Variants in SMYD3 observed in about 807,000 individuals in gnomAD.
SMYD3 encodes the protein SET and MYND domain containing 3.
In SMYD3, 36 loss-of-function variants were observed where a neutral mutation model predicts 57.7. The observed-to-expected ratio is 0.62, with a 90% CI of 0.48 to 0.82. The LOEUF is 0.82. SMYD3 is among the 40% of genes least tolerant of loss of function. The pLI is 0.00. For synonymous variants in SMYD3, 211 were observed against 195.0 expected (o/e 1.08, Z -0.68); for missense variants, 515 against 538.8 (o/e 0.96, Z 0.44).
intron 5 of SMYD3, among the ~76,000 whole-genome samples, chr1:245,955,351 T>G (rs1311559856): frequency 3.9e-5 from 6 of 152,146 alleles, no homozygotes; most frequent in Non-Finnish European, 8.8e-5. Context: ...GTGCTGGGAT[T>G]ACCGGCATGA....
intron 5 of SMYD3, among the ~76,000 whole-genome samples, chr1:246,032,275 C>T (rs1273886122): frequency 6.6e-6 from 1 of 152,138 alleles, no homozygotes; most frequent in Non-Finnish European, 1.5e-5. Flanking sequence ...GCTGCAATTC[C>T]CCACAGTGCA....
chr1:246,040,399 C>G (rs1048862948), intron 5 of SMYD3, among the ~76,000 whole-genome samples: 1 of 152,214 alleles, frequency 6.6e-6, no homozygotes, highest in Admixed American at 6.5e-5. Flanking sequence ...TTTTTTCTCA[C>G]GAAAATGTGA....
chr1:245,955,088 A>C (rs1240841987), intron 5 of SMYD3, among the ~76,000 whole-genome samples: 1 of 151,994 alleles, frequency 6.6e-6, no homozygotes, highest in African/African-American at 2.4e-5. Flanking sequence ...TTGTGGGCCC[A>C]TGTGGTGTTT....
At chr1:246,462,928 T>C (rs2067824831) in intron 1 of SMYD3, among the ~76,000 whole-genome samples, 1 of 152,032 alleles carries the variant, frequency 6.6e-6, no homozygotes, top group South Asian at 2.1e-4. Context: ...TAAGAGGCTG[T>C]GGCAGGGATG....
chr1:246,102,326 C>T (rs1471336264), intron 5 of SMYD3, among the ~76,000 whole-genome samples: 1 of 152,192 alleles, frequency 6.6e-6, no homozygotes, highest in African/African-American at 2.4e-5. Flanking sequence ...CTCACCTGAA[C>T]CACTGCACCG....
intron 5 of SMYD3, among the ~76,000 whole-genome samples, chr1:246,304,465 T>C (rs747503971): frequency 6.6e-6 from 1 of 152,166 alleles, no homozygotes; most frequent in Non-Finnish European, 1.5e-5. Flanking sequence ...CTCTGAACAT[T>C]AGTAAATGAC....
intron 5 of SMYD3, among the ~76,000 whole-genome samples, chr1:246,095,509 T>G (rs534396002): frequency 5.3e-5 from 8 of 152,210 alleles, no homozygotes; most frequent in African/African-American, 1.9e-4. Flanking sequence ...GTCTAAAGGA[T>G]TCAAAGAAGA....
intron 5 of SMYD3, among the ~76,000 whole-genome samples, chr1:246,051,650 T>C (rs1460479622): frequency 6.8e-6 from 1 of 147,600 alleles, no homozygotes; most frequent in Non-Finnish European, 1.5e-5. Context: ...TCTTCTGCAG[T>C]ACAAAAAAAA....
At chr1:246,261,054 G>T (rs796841919) in intron 5 of SMYD3, among the ~76,000 whole-genome samples, 3,534 of 137,912 alleles carry the variant, frequency 0.026, 222 homozygotes, top group East Asian at 0.22. Context: ...TGTTGTTGTT[G>T]TTGTTGTTGT....
intron 1 of SMYD3, among the ~76,000 whole-genome samples, chr1:246,459,410 C>T (rs112133872): frequency 1.6e-4 from 24 of 151,740 alleles, no homozygotes; most frequent in African/African-American, 5.6e-4. Flanking sequence ...AGAGTTCTCG[C>T]GAGATCTTGT....
chr1:246,435,566 A>C (rs547488379), intron 1 of SMYD3, among the ~76,000 whole-genome samples: 2 of 151,960 alleles, frequency 1.3e-5, no homozygotes, highest in Admixed American at 6.6e-5. Flanking sequence ...GTAATACTAG[A>C]TAAGGAACAG....
intron 8 of SMYD3, among the ~76,000 whole-genome samples, chr1:245,877,211 C>G (rs900304940): frequency 2.6e-5 from 4 of 152,212 alleles, no homozygotes; most frequent in African/African-American, 9.7e-5. Context: ...TGTTCAGAGG[C>G]TGCTTTTCCT....
At chr1:246,415,013 G>C (rs564551877) in intron 1 of SMYD3, among the ~76,000 whole-genome samples, 15 of 152,110 alleles carry the variant, frequency 9.9e-5, no homozygotes, top group Admixed American at 5.9e-4. Flanking sequence ...CACCGCGCCC[G>C]GCTGGAGCCA....
intron 3 of SMYD3, among the ~76,000 whole-genome samples, chr1:246,332,097 C>T (rs12727653): frequency 0.14 from 21,828 of 152,058 alleles, 2,143 homozygotes; most frequent in East Asian, 0.43. Context: ...AGTGAAAGGA[C>T]GAGTCACACA....
At chr1:245,835,685 G>A (rs2148400345) in intron 10 of SMYD3, among the ~76,000 whole-genome samples, 1 of 152,260 alleles carries the variant, frequency 6.6e-6, no homozygotes, top group Admixed American at 6.5e-5. Context: ...CCAGTTTTAG[G>A]AAGGCCTCAA....
chr1:246,134,462 T>A (rs1022147574), intron 5 of SMYD3, among the ~76,000 whole-genome samples: 1 of 152,116 alleles, frequency 6.6e-6, no homozygotes, highest in Non-Finnish European at 1.5e-5. Flanking sequence ...TTAAATTATA[T>A]ACCCATGATT....
intron 5 of SMYD3, among the ~76,000 whole-genome samples, chr1:246,055,196 A>AG (rs2060131061): frequency 6.7e-6 from 1 of 149,856 alleles, no homozygotes; most frequent in Non-Finnish European, 1.5e-5. Context: ...AAAAAAAAAA[A>AG]CAAATGTTGG....
chr1:246,347,224 CAGA>C (rs968504037), intron 2 of SMYD3, among the ~76,000 whole-genome samples: 3 of 151,512 alleles, frequency 2.0e-5, no homozygotes, highest in Non-Finnish European at 2.9e-5. Context: ...TAGGATATGT[CAGA>C]AGAAGAATAA....
At chr1:246,245,638 G>T (rs1409575685) in intron 5 of SMYD3, among the ~76,000 whole-genome samples, 2 of 151,952 alleles carry the variant, frequency 1.3e-5, no homozygotes, top group African/African-American at 4.8e-5. Flanking sequence ...TTTTATCTAA[G>T]AAATTAAAAT....
Sources: gnomAD v4.1 joint callset for allele counts (sites outside exome capture counted in the v4.1 genomes callset) on GRCh38, gnomAD v4.1.1 for gene constraint, MANE v1.5 for transcripts, NCBI Gene and HGNC (gene_info 2026-07-23, HGNC 2026-07-21) for gene names.